The following APBB2 variants were observed in gnomAD, a reference collection of about 807,000 sequenced individuals.
APBB2 encodes the protein Fe65-like 1.
APBB2 carries 38 observed loss-of-function variants against 82.5 expected under a neutral mutation model. That is an observed-to-expected ratio of 0.46 (90% CI 0.36 to 0.60). The LOEUF (loss-of-function observed/expected upper bound fraction) is 0.60, where lower values mean the gene tolerates loss of function less well. APBB2 is among the 20% of genes least tolerant of loss of function. The pLI is 0.00. For missense variants in APBB2, 772 were observed against 972.3 expected (o/e 0.79, Z 2.74); for synonymous variants, 341 against 368.2 (o/e 0.93, Z 0.85).
At position 41,160,038 on chromosome 4, in the gene APBB2, A is replaced by AAGAAGAAGAAGAAGAAGAAG. The variant is rs1247891414; in HGVS notation, c.-416-16897_-416-16896insCTTCTTCTTCTTCTTCTTCT. Among the ~76,000 whole-genome samples, 2 of 123,136 alleles carry AAGAAGAAGAAGAAGAAGAAG rather than the reference A, an allele frequency of 1.6e-5. 1 individual carries two copies. The highest frequency in any genetic ancestry group is 6.9e-5 in the African/African-American group (2 of 28,958). The allele number at this position is 123,136 out of a possible 152,430, so 80.8% of individuals were successfully genotyped here. Reference sequence around the variant, plus strand: ...AGAAGAAGAAGAAGAAGAAGAAGAAAACATCACAGGATGCTGTTTTGCGGA... The same window carrying AAGAAGAAGAAGAAGAAGAAG: ...AGAAGAAGAAGAAGAAGAAGAAGAAAAGAAGAAGAAGAAGAAGAAGACATCACAGGATGCTGTTTTGCGGA... On this transcript the variant is annotated intron_variant, in intron 1 of 17. Transcript: ENST00000508593.
chr4:41,124,226 T>A (rs1463683864), intron 2 of APBB2, among the ~76,000 whole-genome samples: 1 of 152,208 alleles, frequency 6.6e-6, no homozygotes, highest in Admixed American at 6.5e-5. Context: ...ATTTTATTTA[T>A]TTTATTTTTT....
chr4:41,028,063 C>T (rs78836860), intron 5 of APBB2, among the ~76,000 whole-genome samples: 6,977 of 152,286 alleles, frequency 0.046, 340 homozygotes, highest in African/African-American at 0.12. Flanking sequence ...TAGCCTGGCA[C>T]GTGTTTCCTC....
In APBB2 at chr4:41,107,735, C is replaced by A. The variant is rs1747768334; in HGVS notation, c.-260-6985G>T. Among the ~76,000 whole-genome samples, 4 of 152,308 alleles carry A rather than the reference C, an allele frequency of 2.6e-5. No homozygotes were observed. In the South Asian group the frequency reaches 8.3e-4, roughly 32 times the overall value. On this transcript the variant is annotated intron_variant, in intron 2 of 17. Transcript: ENST00000508593. ...AGCATTTTTGCCAAACATGCTTAAT[C>A]TGTATCTAATCATAAGGTAACAATC...
In APBB2 at chr4:41,033,405, T is replaced by C. The variant is rs1717815108; in HGVS notation, c.-50-101A>G. ...AAATCTCTCCAAAAGCTGTTATATA[T>C]ACCAAACAAATTTTGGCAGATAATG... On this transcript the variant is annotated intron_variant, in intron 4 of 17. Coordinates refer to ENST00000508593, the MANE Select transcript of APBB2 (RefSeq NM_004307.2). The C allele has an allele frequency of 4.1e-6, 3 of 737,324 alleles. No homozygotes were observed. The East Asian group carries it at 1.0e-4, about 25-fold the overall frequency. 45.7% of individuals were successfully genotyped at this position (737,324 alleles called of 1,614,324 possible). A position where few individuals can be genotyped will look rare whatever the true frequency, so the allele number is the denominator to read the frequency against.
intron 12 of APBB2, among the ~76,000 whole-genome samples, chr4:40,875,487 A>G (rs919568840): frequency 6.6e-5 from 10 of 152,358 alleles, no homozygotes; most frequent in African/African-American, 2.4e-4. Flanking sequence ...ATTAATTTCA[A>G]TATTTTATTT....
At chr4:41,157,065 CAA>C (rs1302613201) in intron 1 of APBB2, among the ~76,000 whole-genome samples, 7 of 72,782 alleles carry the variant, frequency 9.6e-5, no homozygotes, top group South Asian at 5.3e-4. Context: ...GACTCTGTCT[CAA>C]AAAAAAAAAA....
intron 12 of APBB2, among the ~76,000 whole-genome samples, chr4:40,872,645 G>A (rs1441009808): frequency 1.3e-5 from 2 of 152,198 alleles, no homozygotes; most frequent in African/African-American, 2.4e-5. Context: ...AGAGGAAGAA[G>A]GAGGGAGAAA....
At chr4:41,126,523 G>GTC (rs1380707266) in intron 2 of APBB2, among the ~76,000 whole-genome samples, 1 of 152,234 alleles carries the variant, frequency 6.6e-6, no homozygotes, top group African/African-American at 2.4e-5. Flanking sequence ...GCACTACTGA[G>GTC]TCTCCCTCTT....
intron 6 of APBB2, among the ~76,000 whole-genome samples, chr4:40,983,727 G>A (rs114562865): frequency 0.025 from 3,817 of 152,170 alleles, 163 homozygotes; most frequent in African/African-American, 0.087. Flanking sequence ...ACAGGTGCAT[G>A]CCACCATACC....
chr4:41,187,433 C>G (rs930335967), intron 1 of APBB2, among the ~76,000 whole-genome samples: 1 of 152,072 alleles, frequency 6.6e-6, no homozygotes, highest in African/African-American at 2.4e-5. Flanking sequence ...AACTTAAGTT[C>G]AGAGCTTATC....
At chr4:40,842,232 C>A in intron 12 of APBB2, 1 of 357,108 alleles carries the variant, frequency 2.8e-6, no homozygotes, top group Non-Finnish European at 5.7e-6. Context: ...CGAAACAAAA[C>A]AAAACAAAAC....
At chr4:41,044,874 A>G (rs1015034367) in intron 4 of APBB2, among the ~76,000 whole-genome samples, 16 of 152,166 alleles carry the variant, frequency 1.1e-4, no homozygotes, top group Non-Finnish European at 2.1e-4. Flanking sequence ...AAGTAGTTTC[A>G]ATTTTTTTCC....
intron 12 of APBB2, among the ~76,000 whole-genome samples, chr4:40,879,024 C>T (rs940931642): frequency 2.6e-5 from 4 of 152,070 alleles, no homozygotes; most frequent in Admixed American, 1.3e-4. Context: ...ACAAGCACAT[C>T]CCTAGGCCAC....
chr4:40,999,115 T>C lies in APBB2; in HGVS notation c.835+14468A>G, dbSNP rs1301328091. On this transcript the variant is annotated intron_variant, in intron 6 of 17. Transcript: ENST00000508593. Reference sequence around the variant, plus strand: ...AATTATATTTATTCCACAATATTTATTGAACACCGGAATGTCTCAGGAGCC... The same window carrying C: ...AATTATATTTATTCCACAATATTTACTGAACACCGGAATGTCTCAGGAGCC... Among the ~76,000 whole-genome samples, 8 of 152,190 alleles carry C rather than the reference T, an allele frequency of 5.3e-5. No individual in the cohort carries two copies. In the South Asian group the frequency reaches 1.0e-3, roughly 20 times the overall value.
chr4:40,856,684 C>T lies in APBB2; in HGVS notation c.1530-26107G>A, dbSNP rs76961688. Among the ~76,000 whole-genome samples, 206 of 147,452 alleles carry T rather than the reference C, an allele frequency of 1.4e-3. 1 individual carries two copies. The highest frequency in any genetic ancestry group is 4.8e-3 in the African/African-American group (192 of 39,866). Reference sequence around the variant, plus strand: ...TGCCTCAATCATAGAACGCTGTCCACGGCAGAAATGCCCCGTGCAGACCCC... The same window carrying T: ...TGCCTCAATCATAGAACGCTGTCCATGGCAGAAATGCCCCGTGCAGACCCC... On this transcript the variant is annotated intron_variant, in intron 12 of 17. Coordinates refer to ENST00000508593, the MANE Select transcript of APBB2 (RefSeq NM_004307.2).
chr4:40,941,934 A>G (rs1483092686), intron 7 of APBB2, among the ~76,000 whole-genome samples: 1 of 152,044 alleles, frequency 6.6e-6, no homozygotes, highest in Admixed American at 6.5e-5. Flanking sequence ...GCAGCACCTG[A>G]CCACATAAGG....
intron 6 of APBB2, among the ~76,000 whole-genome samples, chr4:41,009,149 T>C (rs1002414054): frequency 1.3e-5 from 2 of 152,050 alleles, no homozygotes; most frequent in Non-Finnish European, 2.9e-5. Context: ...AGAGAGACTA[T>C]ATACAGTGTG....
intron 6 of APBB2, among the ~76,000 whole-genome samples, chr4:40,999,961 T>C (rs1804675556): frequency 6.6e-6 from 1 of 151,982 alleles, no homozygotes. Flanking sequence ...TGAGAGGCCG[T>C]TGAGCCCAGG....
At chr4:41,109,188 C>T (rs1350179008) in intron 2 of APBB2, among the ~76,000 whole-genome samples, 2 of 152,078 alleles carry the variant, frequency 1.3e-5, no homozygotes, top group Non-Finnish European at 2.9e-5. Context: ...CCTTTGAGGC[C>T]AGAAGTTCTA....
Sources: gnomAD v4.1 joint callset for allele counts (sites outside exome capture counted in the v4.1 genomes callset) on GRCh38, gnomAD v4.1.1 for gene constraint, MANE v1.5 for transcripts, NCBI Gene and HGNC (gene_info 2026-07-23, HGNC 2026-07-21) for gene names.